Variants in DCC observed in about 807,000 individuals in gnomAD.
DCC encodes the protein DCC netrin 1 receptor.
In DCC, 58 loss-of-function variants were observed where a neutral mutation model predicts 172.5. The ratio of observed to expected loss-of-function variants is 0.34; its 90% CI spans 0.27 to 0.42. DCC has a LOEUF of 0.42. DCC is among the 10% of genes least tolerant of loss of function. DCC has a pLI of 1.00. For synonymous variants in DCC, 709 were observed against 644.5 expected, an observed-to-expected ratio of 1.10 and a Z score of -1.52; for missense variants, 1,740 against 1,791.0, an observed-to-expected ratio of 0.97 and a Z score of 0.51.
intron 2 of DCC, among the ~76,000 whole-genome samples, chr18:52,883,318 ATTT>A (rs34290654): frequency 4.4e-4 from 58 of 133,252 alleles, no homozygotes; most frequent in African/African-American, 1.5e-3. Context: ...TTTTATTTTT[ATTT>A]TATTTTTTAT....
intron 1 of DCC, among the ~76,000 whole-genome samples, chr18:52,360,314 T>C (rs1984563344): frequency 6.6e-6 from 1 of 152,224 alleles, no homozygotes; most frequent in Admixed American, 6.5e-5. Context: ...GAAGAAGAAA[T>C]CCACTGCCAC....
chr18:52,657,572 G>T (rs999168), intron 1 of DCC, among the ~76,000 whole-genome samples: 46,477 of 152,040 alleles, frequency 0.31, 7,695 homozygotes, highest in East Asian at 0.51. Flanking sequence ...ACTGCAGTCT[G>T]CCTGTCTGCT....
chr18:52,802,283 A>G (rs139423853), intron 2 of DCC, among the ~76,000 whole-genome samples: 9 of 152,198 alleles, frequency 5.9e-5, no homozygotes, highest in South Asian at 2.1e-4. Context: ...TAATATTGCT[A>G]TTGCCAGAGT....
At chr18:52,410,830 T>C (rs925610392) in intron 1 of DCC, among the ~76,000 whole-genome samples, 2 of 152,084 alleles carry the variant, frequency 1.3e-5, no homozygotes, top group African/African-American at 4.8e-5. Flanking sequence ...CTGAATTCAG[T>C]GAGATCCAGA....
At chr18:53,304,469 G>A (rs908134807) in intron 12 of DCC, among the ~76,000 whole-genome samples, 1 of 152,118 alleles carries the variant, frequency 6.6e-6, no homozygotes, top group Non-Finnish European at 1.5e-5. Context: ...GGTATCATAT[G>A]AAGGAAGAAG....
intron 1 of DCC, among the ~76,000 whole-genome samples, chr18:52,680,223 C>G (rs2035722354): frequency 6.6e-6 from 1 of 152,030 alleles, no homozygotes; most frequent in Non-Finnish European, 1.5e-5. Flanking sequence ...TTATGGCAAA[C>G]TTTTAAGCAG....
At chr18:52,345,368 G>C (rs1275697796) in intron 1 of DCC, among the ~76,000 whole-genome samples, 1 of 152,144 alleles carries the variant, frequency 6.6e-6, no homozygotes, top group African/African-American at 2.4e-5. Flanking sequence ...AAATGTAAAC[G>C]TCAAGTCTTC....
intron 1 of DCC, among the ~76,000 whole-genome samples, chr18:52,458,183 T>C (rs1386000325): frequency 6.6e-6 from 1 of 152,194 alleles, no homozygotes; most frequent in Non-Finnish European, 1.5e-5. Context: ...TTCTGCTTCA[T>C]ATCTCATGTT....
intron 5 of DCC, among the ~76,000 whole-genome samples, chr18:53,050,015 C>T (rs762713752): frequency 4.6e-5 from 7 of 151,964 alleles, no homozygotes; most frequent in Admixed American, 1.3e-4. Flanking sequence ...GGCCTGAGAG[C>T]GCCTGGCAAA....
chr18:53,216,802 AAACTT>A (rs1202693772), intron 12 of DCC, among the ~76,000 whole-genome samples: 1 of 152,174 alleles, frequency 6.6e-6, no homozygotes, highest in Non-Finnish European at 1.5e-5. Flanking sequence ...GAAAATAACT[AAACTT>A]AGTGGAAAAA....
intron 21 of DCC, among the ~76,000 whole-genome samples, chr18:53,430,463 A>G (rs1475246949): frequency 6.6e-6 from 1 of 152,130 alleles, no homozygotes; most frequent in African/African-American, 2.4e-5. Context: ...AAACAATCAC[A>G]CAGAAAAACT....
rs566499941 is a variant in DCC, at chr18:53,123,401, G to A, written c.1262-33955G>A. ...AACTGAAGGATGGGTTTTGGGGCTA[G>A]ATCAGTGAAGCAGAGTGGGGGTGTG... On this transcript the variant is annotated intron_variant, in intron 7 of 28. Transcript: ENST00000442544. Among the ~76,000 whole-genome samples the A allele has an allele frequency of 2.6e-5, 4 of 152,164 alleles. 1 individual carries two copies. In the East Asian group the frequency reaches 7.8e-4, roughly 30 times the overall value.
At chr18:53,436,994 G>A (rs899964044) in intron 22 of DCC, among the ~76,000 whole-genome samples, 5 of 152,110 alleles carry the variant, frequency 3.3e-5, no homozygotes, top group African/African-American at 1.2e-4. Flanking sequence ...TCCCGTTTAT[G>A]AGGCCACCAC....
At chr18:53,466,710 G>C (rs2045625920) in intron 24 of DCC, among the ~76,000 whole-genome samples, 2 of 152,118 alleles carry the variant, frequency 1.3e-5, no homozygotes, top group Admixed American at 6.6e-5. Context: ...ATTTTTAGTG[G>C]AGATGGAGTT....
intron 2 of DCC, among the ~76,000 whole-genome samples, chr18:52,874,117 C>T (rs997320107): frequency 1.3e-5 from 2 of 152,056 alleles, no homozygotes; most frequent in African/African-American, 2.4e-5. Flanking sequence ...TATGGCTACC[C>T]CTGGGATTAA....
At chr18:52,893,322 CATATGAAGGCAAAAGCTT>C (rs371220962) in intron 2 of DCC, among the ~76,000 whole-genome samples, 5,304 of 152,150 alleles carry the variant, frequency 0.035, 149 homozygotes, top group Non-Finnish European at 0.047. Context: ...CATTTACAGC[CATATGAAGGCAAAAGCTT>C]ATATTAATAA....
At chr18:53,087,641 C>G (rs555311178) in intron 7 of DCC, among the ~76,000 whole-genome samples, 2 of 152,142 alleles carry the variant, frequency 1.3e-5, no homozygotes, top group East Asian at 3.9e-4. Flanking sequence ...CTTTTGTTGC[C>G]ATTGTTTTTG....
intron 5 of DCC, among the ~76,000 whole-genome samples, chr18:53,047,452 T>G (rs1409949635): frequency 9.9e-6 from 1 of 100,888 alleles, no homozygotes; most frequent in African/African-American, 4.1e-5. Flanking sequence ...TATATATATA[T>G]ATATATATAT....
At chr18:52,744,658 G>A (rs1008390465) in intron 1 of DCC, among the ~76,000 whole-genome samples, 8 of 152,168 alleles carry the variant, frequency 5.3e-5, no homozygotes, top group Non-Finnish European at 8.8e-5. Flanking sequence ...ATAGGTGCTG[G>A]TCCTTTGGTG....
Sources: gnomAD v4.1 joint callset for allele counts (sites outside exome capture counted in the v4.1 genomes callset) on GRCh38, gnomAD v4.1.1 for gene constraint, MANE v1.5 for transcripts, NCBI Gene and HGNC (gene_info 2026-07-23, HGNC 2026-07-21) for gene names.